APC: variants seen among roughly 807,000 people sequenced by gnomAD.
APC encodes the protein APC regulator of Wnt signaling pathway.
A neutral mutation model predicts 247.0 loss-of-function variants in APC; 72 were observed. The observed-to-expected ratio is 0.29, with a 90% CI of 0.24 to 0.35. APC has a LOEUF of 0.35. APC is among the 10% of genes least tolerant of loss of function. APC has a pLI of 1.00. For missense variants in APC, 3,400 were observed against 3,360.7 expected, an observed-to-expected ratio of 1.01 and a Z score of -0.29; for synonymous variants, 1,254 against 1,162.5, an observed-to-expected ratio of 1.08 and a Z score of -1.60.
At chr5:112,743,378 A>G (rs1025765089) in intron 1 of APC, among the ~76,000 whole-genome samples, 5 of 152,206 alleles carry the variant, frequency 3.3e-5, no homozygotes, top group African/African-American at 1.2e-4. Flanking sequence ...GGATTTGGCC[A>G]TCTTTGTGGG....
intron 1 of APC, among the ~76,000 whole-genome samples, chr5:112,743,320 A>T (rs1237397500): frequency 1.3e-5 from 2 of 152,208 alleles, no homozygotes; most frequent in South Asian, 4.1e-4. Flanking sequence ...ACATCTGCAA[A>T]GTTCCTTTAG....
In APC at chr5:112,840,687, A is replaced by T. The variant is rs1765845000; in HGVS notation, c.5093A>T (p.Asp1698Val). 1.2e-6 allele frequency: 2 copies of T among 1,613,986 alleles called. No individual in the cohort carries two copies. The highest frequency in any genetic ancestry group is 1.3e-5 in the African/African-American group (1 of 74,938). ...ATTCCTACAGAAGGCAGAAGTACAG[A>T]TGAGGCTCAAGGAGGAAAAACCTCA... is the stretch of plus-strand genomic sequence containing the variant. Reference protein sequence around the residue: ...DTIPTEGRSTDEAQGGKTSSV... With the variant: ...DTIPTEGRSTVEAQGGKTSSV... Residue 1698 changes from aspartate to valine, a missense_variant, in exon 16 of 16, where the codon GAT (aspartate) becomes GTT (valine). Asp to Val is a radical substitution (Grantham distance 152). Around this residue, in one of 9 missense-constraint regions of APC, gnomAD observed 1,788 missense variants for 1,649.5 expected, o/e 1.08. Coordinates refer to ENST00000257430, the MANE Select transcript of APC (RefSeq NM_000038.6). This position sits in a 1 kb window ranked among gnomAD's most constrained non-coding sequence, Gnocchi z 4.1.
At chr5:112,799,953 G>T (rs2149707777) in intron 7 of APC, among the ~76,000 whole-genome samples, 1 of 152,168 alleles carries the variant, frequency 6.6e-6, no homozygotes, top group East Asian at 1.9e-4. Context: ...CTTCCCAAGA[G>T]AGCTCTTCCA....
chr5:112,795,899 G>A (rs1389842752), intron 7 of APC, among the ~76,000 whole-genome samples: 1 of 152,074 alleles, frequency 6.6e-6, no homozygotes, highest in African/African-American at 2.4e-5. Flanking sequence ...AAAGATGAAG[G>A]GACATCCTGA....
intron 1 of APC, among the ~76,000 whole-genome samples, chr5:112,742,491 C>G (rs1464425811): frequency 6.6e-6 from 1 of 152,204 alleles, no homozygotes; most frequent in East Asian, 1.9e-4. Flanking sequence ...AAGTAGCAGT[C>G]ACGATGTCAG....
intron 7 of APC, among the ~76,000 whole-genome samples, chr5:112,800,688 A>G (rs910501035): frequency 2.0e-5 from 3 of 152,148 alleles, no homozygotes; most frequent in Non-Finnish European, 4.4e-5. Flanking sequence ...CTATCTTGAA[A>G]TGACTGCTTT....
intron 2 of APC, among the ~76,000 whole-genome samples, chr5:112,760,732 A>G (rs1755555424): frequency 6.6e-6 from 1 of 152,192 alleles, no homozygotes; most frequent in African/African-American, 2.4e-5. Flanking sequence ...TTCTATCTGA[A>G]TATAGAGAGA....
chr5:112,820,865 TTC>T (rs1281900818), intron 10 of APC, among the ~76,000 whole-genome samples: 2 of 152,078 alleles, frequency 1.3e-5, no homozygotes, highest in Admixed American at 6.6e-5. Context: ...CATGCTTTTT[TTC>T]TCTGTTTGTA....
intron 1 of APC, among the ~76,000 whole-genome samples, chr5:112,716,247 A>G (rs1203766743): frequency 6.6e-6 from 1 of 152,142 alleles, no homozygotes; most frequent in African/African-American, 2.4e-5. Flanking sequence ...TTCTATTACT[A>G]GTTTTGATAC....
chr5:112,828,406 G>T (rs1397625293), intron 13 of APC, among the ~76,000 whole-genome samples: 1 of 151,530 alleles, frequency 6.6e-6, no homozygotes, highest in East Asian at 1.9e-4. Context: ...TTATATTGTG[G>T]TTAGACTGTA....
Position 112,772,863 on chromosome 5 carries a change from A to T in APC, c.423-2766A>T, listed in dbSNP as rs560169992. On this transcript the variant is annotated intron_variant, in intron 4 of 15. Transcript: ENST00000257430. ...CATTTATTAGGAAGTAATGGAGGAAATAGTAGCATCACCATCTATTTTATT... is the reference window on the plus strand; with the variant it reads ...CATTTATTAGGAAGTAATGGAGGAATTAGTAGCATCACCATCTATTTTATT... Among the ~76,000 whole-genome samples, 1,193 of 152,328 alleles carry T rather than the reference A, an allele frequency of 7.8e-3. 13 individuals carry two copies. Among genetic ancestry groups the T allele is most frequent in the African/African-American group, 0.027 (1,113 of 41,572 alleles).
Position 112,843,637 on chromosome 5 carries a change from G to C in APC, c.8043G>C (p.Pro2681=), listed in dbSNP as rs149347068. Residue 2681 remains proline, a synonymous_variant, in exon 16 of 16, where the codon CCG becomes CCC. Transcript: ENST00000257430. The surrounding 1 kb of genome is among the most constrained non-coding windows in gnomAD (Gnocchi z 4.8). ...SGRSPTGNTP[P]VIDSVSEKAN... ...GATCTCCCACAGGTAATACTCCCCC[G>C]GTGATTGACAGTGTTTCAGAAAAGG... 269 of 1,613,768 alleles carry C rather than the reference G, an allele frequency of 1.7e-4. No homozygotes were observed. In the African/African-American group the frequency reaches 2.9e-3, roughly 17 times the overall value.
rs1255903182 is a variant in APC, at chr5:112,840,929, A to T, written c.5335A>T (p.Ile1779Leu). The T allele has an allele frequency of 6.2e-7, 1 of 1,613,872 alleles. No individual in the cohort carries two copies. The highest frequency in any genetic ancestry group is 1.1e-5 in the South Asian group (1 of 91,078). The change falls in exon 16 of 16, where the codon ATA becomes TTA. Residue 1779 changes from isoleucine to leucine, a missense_variant. Around this residue, in one of 9 missense-constraint regions of APC, gnomAD observed 1,788 missense variants for 1,649.5 expected, o/e 1.08. Coordinates refer to ENST00000257430, the MANE Select transcript of APC (RefSeq NM_000038.6). The surrounding 1 kb of genome is among the most constrained non-coding windows in gnomAD (Gnocchi z 4.1). Reference protein sequence around the residue: ...KKKPTSPVKPIPQNTEYRTRV... With the variant: ...KKKPTSPVKPLPQNTEYRTRV... ...GAAACCAACTTCACCAGTAAAACCT[A>T]TACCACAAAATACTGAATATAGGAC...
Position 112,707,560 on chromosome 5 carries a change from G to C in APC, c.-158G>C, listed in dbSNP as rs1750576619. 2.9e-6 allele frequency: 2 copies of C among 679,416 alleles called. No homozygotes were observed. The highest frequency in any genetic ancestry group is 1.7e-5 in the South Asian group (1 of 57,154). The allele number at this position is 679,416 out of a possible 1,614,324, so 42.1% of individuals were successfully genotyped here. A position where few individuals can be genotyped will look rare whatever the true frequency, so the allele number is the denominator to read the frequency against. ...GGCAAGTAGCAAGGGGGCGGGGTGT[G>C]GCCGCCGGAAGCCTAGCCGCTGCTC... is the stretch of plus-strand genomic sequence containing the variant. On this transcript the variant is annotated 5_prime_UTR_variant, in exon 1 of 14. Transcript: ENST00000507379.
intron 6 of APC, among the ~76,000 whole-genome samples, chr5:112,790,715 C>G (rs1759484039): frequency 6.6e-6 from 1 of 152,112 alleles, no homozygotes; most frequent in African/African-American, 2.4e-5. Context: ...GTAAGAAAAG[C>G]ATGAAGGCAT....
At position 112,815,574 on chromosome 5, in the gene APC, C is replaced by G. The variant is rs2149763861; in HGVS notation, c.914C>G (p.Thr305Arg). ...SSTHSAPRRL[T>R]SHLGTKVEMV... ...ACACACTCTGCACCTCGAAGGCTGA[C>G]AAGTCATCTGGGAACCAAGGTAACA... The change falls in exon 9 of 16, where the codon ACA (threonine) becomes AGA (arginine). Residue 305 changes from threonine (T) to arginine (R), a missense_variant. This residue lies in a region of APC where 372 missense variants were observed against 367.6 expected (regional missense o/e 1.01). Coordinates refer to ENST00000257430, the MANE Select transcript of APC (RefSeq NM_000038.6). The G allele has an allele frequency of 6.2e-7, 1 of 1,611,290 alleles. No homozygotes were observed. The highest frequency in any genetic ancestry group is 8.5e-7 in the Non-Finnish European group (1 of 1,178,142).
rs116427705 is a variant in APC, at chr5:112,788,320, G to A, written c.646-4126G>A. The stretch of plus-strand genomic sequence containing the variant: ...TCTAATTCAGATAAAAGCTTCATGG[G>A]CTTTTGATTAGAATTACATTAAATT... On this transcript the variant is annotated intron_variant, in intron 6 of 15. Coordinates refer to ENST00000257430, the MANE Select transcript of APC (RefSeq NM_000038.6). Among the ~76,000 whole-genome samples the A allele has an allele frequency of 5.8e-3, 881 of 152,214 alleles. 6 individuals are homozygous for A. The highest frequency in any genetic ancestry group is 0.01 in the Middle Eastern group (3 of 294).
At position 112,839,782 on chromosome 5, in the gene APC, T is replaced by A. The variant is rs1554085596; in HGVS notation, c.4188T>A (p.Phe1396Leu). 1 of 1,614,010 alleles carries A rather than the reference T, an allele frequency of 6.2e-7. No homozygotes were observed. Among genetic ancestry groups the A allele is most frequent in the African/African-American group, 1.3e-5 (1 of 74,916 alleles). The change falls in exon 16 of 16, where the codon TTT becomes TTA. Residue 1396 changes from phenylalanine (F) to leucine (L), a missense_variant. This residue lies in a region of APC where 40 missense variants were observed against 75.6 expected (regional missense o/e 0.53). Coordinates refer to ENST00000257430, the MANE Select transcript of APC (RefSeq NM_000038.6). The surrounding 1 kb of genome is among the most constrained non-coding windows in gnomAD (Gnocchi z 5.0). ...CTTCTGTCAGTTCACTTGATAGTTTTGAGAGTCGTTCGATTGCCAGCTCCG... is the reference window on the plus strand; with the variant it reads ...CTTCTGTCAGTTCACTTGATAGTTTAGAGAGTCGTTCGATTGCCAGCTCCG... The part of the protein sequence containing the change: ...RCTSVSSLDS[F>L]ESRSIASSVQ...
At chr5:112,797,360 A>T (rs975492896) in intron 7 of APC, among the ~76,000 whole-genome samples, 3 of 152,174 alleles carry the variant, frequency 2.0e-5, no homozygotes, top group Non-Finnish European at 4.4e-5. Flanking sequence ...TGGGGATTGG[A>T]CACTTGCAAA....
Sources: gnomAD v4.1 joint callset for allele counts (sites outside exome capture counted in the v4.1 genomes callset) on GRCh38, gnomAD v4.1.1 for gene constraint, gnomAD v4.1.1 regional missense constraint, Gnocchi (gnomAD v3.1) non-coding constraint, MANE v1.5 for transcripts, NCBI Gene and HGNC (gene_info 2026-07-23, HGNC 2026-07-21) for gene names.